ST6GALNAC3: variants seen among roughly 807,000 people sequenced by gnomAD.
The protein encoded by ST6GALNAC3 is alpha-N-acetylgalactosaminide alpha-2,6-sialyltransferase 3.
Under a neutral mutation model 32.7 loss-of-function variants are expected in ST6GALNAC3, and 25 were observed. The observed-to-expected ratio is 0.76, with a 90% CI of 0.56 to 1.07. The LOEUF (loss-of-function observed/expected upper bound fraction) is 1.07. Among genes scored for constraint, ST6GALNAC3 ranks in the 50% least tolerant of loss-of-function variants. The pLI is 0.00. For synonymous variants in ST6GALNAC3, 129 were observed against 133.1 expected (o/e 0.97, Z 0.21); for missense variants, 355 against 382.4 (o/e 0.93, Z 0.60).
intron 2 of ST6GALNAC3, among the ~76,000 whole-genome samples, chr1:76,332,986 CAG>C (rs1442976569): frequency 6.6e-6 from 1 of 152,056 alleles, no homozygotes; most frequent in African/African-American, 2.4e-5. Context: ...CACTTTTGTG[CAG>C]AGCTCCTCTT....
intron 3 of ST6GALNAC3, among the ~76,000 whole-genome samples, chr1:76,616,249 G>T (rs1183703923): frequency 1.3e-5 from 2 of 152,124 alleles, no homozygotes; most frequent in African/African-American, 2.4e-5. Flanking sequence ...TAGAAAATCT[G>T]GATGGACCTC....
At chr1:76,379,556 G>T (rs1190656466) in intron 2 of ST6GALNAC3, among the ~76,000 whole-genome samples, 1 of 152,180 alleles carries the variant, frequency 6.6e-6, no homozygotes, top group African/African-American at 2.4e-5. Context: ...AGAATCTCAT[G>T]ACGGCTTTTG....
At chr1:76,189,254 A>G (rs548253302) in intron 1 of ST6GALNAC3, among the ~76,000 whole-genome samples, 34 of 152,308 alleles carry the variant, frequency 2.2e-4, no homozygotes, top group African/African-American at 7.5e-4. Context: ...TCATGCAAGT[A>G]AGTTCTTAGA....
At chr1:76,167,551 G>T (rs381749) in intron 1 of ST6GALNAC3, among the ~76,000 whole-genome samples, 137,787 of 152,204 alleles carry the variant, frequency 0.91, 64,000 homozygotes, top group East Asian at 1. Flanking sequence ...TTGGGAATTG[G>T]TTCAGAAGGA....
intron 2 of ST6GALNAC3, among the ~76,000 whole-genome samples, chr1:76,320,654 A>G (rs1289702552): frequency 6.6e-6 from 1 of 152,122 alleles, no homozygotes. Context: ...GAAGATAGAA[A>G]ATGCATTCAT....
intron 3 of ST6GALNAC3, among the ~76,000 whole-genome samples, chr1:76,590,916 G>T (rs1260866034): frequency 6.6e-6 from 1 of 152,120 alleles, no homozygotes; most frequent in Non-Finnish European, 1.5e-5. Flanking sequence ...CAATAAATAT[G>T]CATTGAGAGT....
At chr1:76,374,976 A>G (rs1214522563) in intron 2 of ST6GALNAC3, among the ~76,000 whole-genome samples, 2 of 152,176 alleles carry the variant, frequency 1.3e-5, no homozygotes, top group East Asian at 1.9e-4. Context: ...TTTTATAACA[A>G]CAGTCATTGA....
At chr1:76,615,161 A>G (rs950407707) in intron 3 of ST6GALNAC3, among the ~76,000 whole-genome samples, 2 of 152,208 alleles carry the variant, frequency 1.3e-5, no homozygotes, top group African/African-American at 4.8e-5. Flanking sequence ...TAAGTGGTCA[A>G]CATCACTCAT....
At chr1:76,291,755 TA>T (rs34393802) in intron 1 of ST6GALNAC3, among the ~76,000 whole-genome samples, 61,849 of 151,182 alleles carry the variant, frequency 0.41, 14,564 homozygotes, top group Non-Finnish European at 0.53. Context: ...AGGAATTTAA[TA>T]AAAAAAAAGG....
chr1:76,427,928 T>C (rs948896827), intron 3 of ST6GALNAC3, among the ~76,000 whole-genome samples: 2 of 152,172 alleles, frequency 1.3e-5, no homozygotes, highest in South Asian at 2.1e-4. Flanking sequence ...TGTCTTTCTA[T>C]AGTTCTGGAC....
At chr1:76,478,675 G>A (rs952264182) in intron 3 of ST6GALNAC3, among the ~76,000 whole-genome samples, 2 of 150,914 alleles carry the variant, frequency 1.3e-5, no homozygotes, top group Admixed American at 1.3e-4. Context: ...ATTTTTTCCA[G>A]TCTTGTGTTT....
intron 1 of ST6GALNAC3, among the ~76,000 whole-genome samples, chr1:76,145,282 A>T (rs1650602763): frequency 6.6e-6 from 1 of 152,210 alleles, no homozygotes; most frequent in African/African-American, 2.4e-5. Context: ...ACACTGGGAA[A>T]GCTAAAAAAG....
intron 1 of ST6GALNAC3, among the ~76,000 whole-genome samples, chr1:76,082,700 T>C (rs967257053): frequency 2.0e-5 from 3 of 152,234 alleles, no homozygotes; most frequent in Admixed American, 1.3e-4. Context: ...TGACATTCTT[T>C]GAGAAGCCCC....
At chr1:76,324,582 C>A (rs1647031685) in intron 2 of ST6GALNAC3, among the ~76,000 whole-genome samples, 2 of 152,132 alleles carry the variant, frequency 1.3e-5, no homozygotes, top group Non-Finnish European at 2.9e-5. Context: ...GATGACAACT[C>A]CTCTAAACTG....
chr1:76,395,377 T>A (rs1652870468), intron 2 of ST6GALNAC3, among the ~76,000 whole-genome samples: 1 of 152,048 alleles, frequency 6.6e-6, no homozygotes, highest in Non-Finnish European at 1.5e-5. Context: ...ATGGAAAGAG[T>A]ATGGAGATTT....
chr1:76,238,739 C>T (rs1656800838), intron 1 of ST6GALNAC3, among the ~76,000 whole-genome samples: 1 of 152,182 alleles, frequency 6.6e-6, no homozygotes, highest in Admixed American at 6.5e-5. Context: ...GGATTTTTCT[C>T]AGGTGGAAGA....
intron 3 of ST6GALNAC3, among the ~76,000 whole-genome samples, chr1:76,456,357 A>T (rs1171238161): frequency 6.6e-6 from 1 of 150,946 alleles, no homozygotes; most frequent in Admixed American, 6.6e-5. Context: ...TTATTTATTT[A>T]TTTTTTTGAG....
intron 1 of ST6GALNAC3, among the ~76,000 whole-genome samples, chr1:76,196,887 ACTTATT>A (rs149770648): frequency 0.084 from 12,771 of 152,224 alleles, 586 homozygotes; most frequent in African/African-American, 0.12. Flanking sequence ...AGTGATGTCT[ACTTATT>A]CTTTCACTTG....
rs75346822 is a variant in ST6GALNAC3 at position 76,115,949 on chromosome 1, A to G, written c.18+41065A>G. ...AGCATTTACTGTTGCAGGGCACTGTACTAGGTACTATGGAATTACATACAA... is the reference window on the plus strand; with the variant it reads ...AGCATTTACTGTTGCAGGGCACTGTGCTAGGTACTATGGAATTACATACAA... On this transcript the variant is annotated intron_variant, in intron 1 of 4. Transcript: ENST00000328299. Among the ~76,000 whole-genome samples, 11 of 152,342 alleles carry G rather than the reference A, an allele frequency of 7.2e-5. No homozygotes were observed. In the East Asian group the frequency reaches 1.7e-3, roughly 24 times the overall value.
Sources: gnomAD v4.1 joint callset for allele counts (sites outside exome capture counted in the v4.1 genomes callset) on GRCh38, gnomAD v4.1.1 for gene constraint, MANE v1.5 for transcripts, NCBI Gene and HGNC (gene_info 2026-07-23, HGNC 2026-07-21) for gene names.